TRMO: variants seen among roughly 807,000 people sequenced by gnomAD.
TRMO encodes tRNA (adenine(37)-N6)-methyltransferase.
In TRMO, 30 loss-of-function variants were observed where a neutral mutation model predicts 37.2. The ratio of observed to expected loss-of-function variants is 0.81; its 90% CI spans 0.60 to 1.09. TRMO has a LOEUF of 1.09. Among genes scored for constraint, TRMO ranks in the 50% least tolerant of loss-of-function variants. The probability of loss-of-function intolerance (pLI) is 0.00; values close to 1 mark genes in which losing one functional copy is unlikely to be tolerated. For missense variants in TRMO, 552 were observed against 549.5 expected (o/e 1.00, Z -0.05); for synonymous variants, 239 against 199.4 (o/e 1.20, Z -1.67).
At chr9:97,898,614 C>T in the TRMO span, among the ~76,000 whole-genome samples, 110,121 of 151,872 alleles carry the variant, frequency 0.73, 41,302 homozygotes, top group East Asian at 0.92. Flanking sequence ...TCCCAAACTC[C>T]TGGCCTCAAA....
chr9:97,909,995 T>G lies in TRMO; in HGVS notation c.1031A>C (p.His344Pro). 6.4e-7 allele frequency: 1 copy of G among 1,569,718 alleles called. No individual in the cohort carries two copies. Among genetic ancestry groups the G allele is most frequent in the South Asian group, 1.2e-5 (1 of 84,968 alleles). The stretch of plus-strand genomic sequence containing the variant: ...GAGCTGCCCAAGGTCCATCTCGGCA[T>G]GAGGAGTAAACCGCACTTCTAAAGT... ...VATLEVRFTP[H>P]AEMDLGQLSS... Residue 344 changes from histidine to proline, a missense_variant, in exon 4 of 5, where the codon CAT becomes CCT. By Grantham distance (77) the His-to-Pro change is moderately conservative. Coordinates refer to ENST00000375119, the MANE Select transcript of TRMO (RefSeq NM_016481.5).
chr9:97,909,890 A>G (rs747685073), intron 4 of TRMO, 70 bp downstream of exon 4: 25 of 1,237,838 alleles, frequency 2.0e-5, no homozygotes, highest in Non-Finnish European at 2.7e-5. Context: ...CTGCCTTCAC[A>G]AATACCAAAC....
intron 1 of TRMO, among the ~76,000 whole-genome samples, chr9:97,917,704 A>C (rs998074534): frequency 6.6e-6 from 1 of 152,144 alleles, no homozygotes; most frequent in Non-Finnish European, 1.5e-5. Context: ...TTTGAGACAG[A>C]GTCTTGCTCT....
At chr9:97,905,681 T>C (rs1267020098) in intron 4 of TRMO, among the ~76,000 whole-genome samples, 2 of 152,184 alleles carry the variant, frequency 1.3e-5, no homozygotes, top group African/African-American at 4.8e-5. Flanking sequence ...CAAATGCCCC[T>C]TCCAGGAAGG....
chr9:97,913,141 ATT>A (rs1654062461), intron 3 of TRMO: 5 of 473,090 alleles, frequency 1.1e-5, no homozygotes, highest in Admixed American at 3.4e-5. Flanking sequence ...TGATTGTGAA[ATT>A]TGTGTTATTT....
intron 1 of TRMO, among the ~76,000 whole-genome samples, chr9:97,919,577 C>CT (rs1385659430): frequency 1.3e-5 from 2 of 152,182 alleles, no homozygotes; most frequent in African/African-American, 4.8e-5. Context: ...GTTGAGGAGA[C>CT]TATCACACCA....
intron 1 of TRMO, among the ~76,000 whole-genome samples, chr9:97,917,283 A>G (rs929706063): frequency 2.0e-5 from 3 of 152,248 alleles, no homozygotes; most frequent in African/African-American, 4.8e-5. Context: ...CATATGAAAT[A>G]AACTAATTTA....
Position 97,916,257 on chromosome 9 carries a change from C to A in TRMO, c.158G>T (p.Cys53Phe). ...CCTCAAACAGGCTCGAGAATAGCTA[C>A]AAATGGATGGCTGTCTTGGAGTACC... ...KNGTPRQPSI[C>F]SYSRACLRIR... is the part of the protein sequence containing the mutation. Residue 53 changes from cysteine (C) to phenylalanine (F), a missense_variant, in exon 2 of 5, where the codon TGT (cysteine) becomes TTT (phenylalanine). Physicochemically the swap from Cys to Phe is radical, Grantham distance 205. Coordinates refer to ENST00000375119, the MANE Select transcript of TRMO (RefSeq NM_016481.5). The A allele has an allele frequency of 6.2e-7, 1 of 1,613,512 alleles. No individual in the cohort carries two copies.
intron 2 of TRMO, chr9:97,913,899 A>C: frequency 5.0e-6 from 1 of 199,682 alleles, no homozygotes; most frequent in Non-Finnish European, 1.0e-5. Context: ...ATTTCATACA[A>C]TCGCCTTAAC....
intron 3 of TRMO, chr9:97,912,884 T>G (rs1483831439): frequency 7.7e-7 from 1 of 1,296,660 alleles, no homozygotes; most frequent in Non-Finnish European, 1.0e-6. Flanking sequence ...TGACCAATGT[T>G]TGTCCTTGTA....
At chr9:97,896,880 C>T in the TRMO span, among the ~76,000 whole-genome samples, 1 of 152,186 alleles carries the variant, frequency 6.6e-6, no homozygotes, top group Non-Finnish European at 1.5e-5. Flanking sequence ...TTTTACTTTC[C>T]TCATGTTCCA....
At chr9:97,911,959 T>A (rs1826144762) in intron 3 of TRMO, 1 of 152,230 alleles carries the variant, frequency 6.6e-6, no homozygotes, top group African/African-American at 2.4e-5. Context: ...ATTCTGGACT[T>A]GCTAGATGAT....
In TRMO at chr9:97,904,631, TCA is replaced by T; in HGVS notation, c.*100_*101del. The T allele has an allele frequency of 6.5e-7, 1 of 1,539,382 alleles. No homozygotes were observed. The highest frequency in any genetic ancestry group is 8.7e-7 in the Non-Finnish European group (1 of 1,146,956). ...GCCCAAATCAATCAAAGCCATGAGA[TCA>T]CAAAGTGTTGCTTCTCGACACAACA... On this transcript the variant is annotated 3_prime_UTR_variant, in exon 5 of 5. Coordinates refer to ENST00000375119, the MANE Select transcript of TRMO (RefSeq NM_016481.5).
chr9:97,909,905 C>T (rs1399741004), intron 4 of TRMO, 55 bp downstream of exon 4: 21 of 1,380,728 alleles, frequency 1.5e-5, no homozygotes, highest in East Asian at 2.3e-5. Flanking sequence ...CCAAACTTGG[C>T]TAAATCTCAA....
At chr9:97,916,598 G>T (rs1334514280) in intron 1 of TRMO, among the ~76,000 whole-genome samples, 1 of 151,736 alleles carries the variant, frequency 6.6e-6, no homozygotes, top group Non-Finnish European at 1.5e-5. Context: ...AAGAAAGAAT[G>T]AAAGTAAGGG....
chr9:97,897,061 A>G, the TRMO span, among the ~76,000 whole-genome samples: 5 of 152,276 alleles, frequency 3.3e-5, no homozygotes, highest in Non-Finnish European at 7.3e-5. Context: ...ATGTGCAAAC[A>G]TGGGTTGTAT....
chr9:97,899,024 G>A, the TRMO span, among the ~76,000 whole-genome samples: 1 of 151,430 alleles, frequency 6.6e-6, no homozygotes, highest in Admixed American at 6.6e-5. Context: ...ATTTTTAGTA[G>A]AGACGGGGTT....
Position 97,913,509 on chromosome 9 carries a change from C to CTT in TRMO, c.299_300dup (p.Val101LysfsTer7). On this transcript the variant is annotated frameshift_variant, in exon 3 of 5. Transcript: ENST00000375119. LOFTEE classifies it high-confidence loss of function. ...GCACCATTCAGCCTAGGAGGCTGCA[C>CTT]TTTTGCCTTACAGCTCAAATGACCA... The CTT allele has an allele frequency of 6.2e-7, 1 of 1,613,894 alleles. No homozygotes were observed.
rs1433115791 is a variant in TRMO, at chr9:97,916,340, T to C, written c.77-2A>G. 2 of 1,595,914 alleles carry C rather than the reference T, an allele frequency of 1.3e-6. No individual in the cohort carries two copies. The highest frequency in any genetic ancestry group is 1.7e-6 in the Non-Finnish European group (2 of 1,173,314). ...CGACTGGCTCAGTTAAAAGATTCCCTACAGGAGAAAATTAGGTAAAAAGTT... is the reference window on the plus strand; with the variant it reads ...CGACTGGCTCAGTTAAAAGATTCCCCACAGGAGAAAATTAGGTAAAAAGTT... On this transcript the variant is annotated splice_acceptor_variant, in intron 1 of 4. Transcript: ENST00000375119. LOFTEE classifies it high-confidence loss of function.
Sources: gnomAD v4.1 joint callset for allele counts (sites outside exome capture counted in the v4.1 genomes callset) on GRCh38, gnomAD v4.1.1 for gene constraint, MANE v1.5 for transcripts, NCBI Gene and HGNC (gene_info 2026-07-23, HGNC 2026-07-21) for gene names.